PUM1: variants seen among roughly 807,000 people sequenced by gnomAD.
The protein encoded by PUM1 is pumilio homolog 1.
PUM1 carries 13 observed loss-of-function variants against 131.8 expected under a neutral mutation model. The ratio of observed to expected loss-of-function variants is 0.10; its 90% CI spans 0.06 to 0.16. The LOEUF (loss-of-function observed/expected upper bound fraction) is 0.16, where lower values mean the gene tolerates loss of function less well. Among genes scored for constraint, PUM1 ranks in the 10% least tolerant of loss-of-function variants. The probability of loss-of-function intolerance (pLI) is 1.00; values close to 1 mark genes in which losing one functional copy is unlikely to be tolerated. For missense variants in PUM1, 961 were observed against 1,512.4 expected, an observed-to-expected ratio of 0.64 and a Z score of 6.05; for synonymous variants, 509 against 556.5, an observed-to-expected ratio of 0.91 and a Z score of 1.20.
At chr1:31,051,343 G>A (rs1348633589) in intron 2 of PUM1, among the ~76,000 whole-genome samples, 1 of 136,620 alleles carries the variant, frequency 7.3e-6, no homozygotes, top group Non-Finnish European at 1.6e-5. Flanking sequence ...CGCTCTTGTT[G>A]CCCAGAGTGG....
At chr1:30,981,462 A>G in intron 7 of PUM1, 57 bp from the exon 8 acceptor site, 1 of 1,164,676 alleles carries the variant, frequency 8.6e-7, no homozygotes, top group Admixed American at 2.3e-5. Flanking sequence ...AAAATCATTT[A>G]AAAACCTCTC....
chr1:30,974,256 A>G (rs1198764461), intron 10 of PUM1, among the ~76,000 whole-genome samples: 1 of 152,240 alleles, frequency 6.6e-6, no homozygotes, highest in Non-Finnish European at 1.5e-5. Flanking sequence ...GGTACTACAA[A>G]TAAGCAGTCT....
intron 7 of PUM1, among the ~76,000 whole-genome samples, chr1:30,987,322 G>A (rs945856925): frequency 2.0e-5 from 3 of 151,096 alleles, no homozygotes; most frequent in African/African-American, 4.9e-5. Context: ...TCAGCCTCCC[G>A]AGTAGCTGGG....
At chr1:30,971,998 G>A (rs1157282109) in intron 10 of PUM1, among the ~76,000 whole-genome samples, 1 of 151,820 alleles carries the variant, frequency 6.6e-6, no homozygotes, top group Admixed American at 6.6e-5. Flanking sequence ...GTTCACACCT[G>A]TAACCCAGCA....
At chr1:30,969,631 G>A (rs1557561147) in intron 10 of PUM1, among the ~76,000 whole-genome samples, 1 of 152,072 alleles carries the variant, frequency 6.6e-6, no homozygotes, top group Non-Finnish European at 1.5e-5. Context: ...CTCTGATAAA[G>A]GATCTACTTT....
At chr1:31,058,423 G>A (rs1407448302) in intron 2 of PUM1, among the ~76,000 whole-genome samples, 3 of 152,154 alleles carry the variant, frequency 2.0e-5, no homozygotes, top group Admixed American at 2.0e-4. Context: ...CACTTTGGGA[G>A]GCCGAGATGG....
At chr1:31,017,039 A>G (rs1489614222) in intron 3 of PUM1, among the ~76,000 whole-genome samples, 1 of 152,204 alleles carries the variant, frequency 6.6e-6, no homozygotes, top group Non-Finnish European at 1.5e-5. Context: ...CTTCTCTCCC[A>G]CAACTGGGAA....
chr1:31,058,820 A>G (rs1644308291), intron 2 of PUM1, among the ~76,000 whole-genome samples: 1 of 151,306 alleles, frequency 6.6e-6, no homozygotes. Context: ...AAAATACATA[A>G]TCAGCCAGGC....
At chr1:30,948,154 A>G (rs1341125314) in intron 17 of PUM1, among the ~76,000 whole-genome samples, 1 of 152,136 alleles carries the variant, frequency 6.6e-6, no homozygotes, top group Non-Finnish European at 1.5e-5. Context: ...GGCCCAGAAG[A>G]GAATAATTTA....
chr1:31,052,738 G>A (rs1371678527), intron 2 of PUM1, among the ~76,000 whole-genome samples: 6 of 141,932 alleles, frequency 4.2e-5, no homozygotes, highest in Admixed American at 2.9e-4. Context: ...TTGCTCTGTC[G>A]CCCAGGCTGG....
chr1:31,009,865 T>C (rs1477325994), intron 3 of PUM1, among the ~76,000 whole-genome samples: 2 of 151,482 alleles, frequency 1.3e-5, no homozygotes, highest in African/African-American at 4.9e-5. Flanking sequence ...TATAGTCTTA[T>C]CCATAATTTG....
At chr1:31,048,444 ATTCTTTT>A (rs1448583849) in intron 2 of PUM1, among the ~76,000 whole-genome samples, 3 of 150,850 alleles carry the variant, frequency 2.0e-5, no homozygotes, top group East Asian at 1.9e-4. Flanking sequence ...ATCAAGGTAA[ATTCTTTT>A]TTCTTTTTTC....
chr1:30,969,316 C>CACACAAA (rs1408362237), intron 10 of PUM1, among the ~76,000 whole-genome samples: 1 of 51,180 alleles, frequency 2.0e-5, no homozygotes, highest in African/African-American at 7.4e-5. Context: ...AACACACACA[C>CACACAAA]AAAAAAAAAA....
chr1:31,048,194 G>A (rs992885683), intron 2 of PUM1, among the ~76,000 whole-genome samples: 8 of 150,874 alleles, frequency 5.3e-5, no homozygotes, highest in Non-Finnish European at 1.2e-4. Context: ...AGCTGATATC[G>A]CGCCACTGCA....
At position 30,959,830 on chromosome 1, in the gene PUM1, C is replaced by G. The variant is rs147352893; in HGVS notation, c.2323+4844G>C. On this transcript the variant is annotated intron_variant, in intron 14 of 21. Coordinates refer to ENST00000426105, the MANE Select transcript of PUM1 (RefSeq NM_001020658.2). ...GCTGAGGCAGGAGAATGGTGTGAAC[C>G]CAGGGGGCAGAGGTTGCAGTGAGCC... Among the ~76,000 whole-genome samples, 783 of 151,438 alleles carry G rather than the reference C, an allele frequency of 5.2e-3. 6 individuals are homozygous for G. Among genetic ancestry groups the G allele is most frequent in the African/African-American group, 0.018 (723 of 41,130 alleles).
intron 10 of PUM1, among the ~76,000 whole-genome samples, chr1:30,969,337 G>GAAAAA (rs1179276877): frequency 1.7e-5 from 2 of 115,324 alleles, no homozygotes; most frequent in Admixed American, 8.5e-5. Flanking sequence ...AAAAAAAAAA[G>GAAAAA]AAAAAAAAAG....
chr1:30,996,189 G>C (rs1164984898), intron 5 of PUM1, among the ~76,000 whole-genome samples: 1 of 152,188 alleles, frequency 6.6e-6, no homozygotes, highest in Non-Finnish European at 1.5e-5. Context: ...TGTAAAACTA[G>C]AGGGAAGCAG....
At chr1:31,026,094 T>C (rs10914248) in intron 3 of PUM1, among the ~76,000 whole-genome samples, 46,520 of 151,538 alleles carry the variant, frequency 0.31, 7,475 homozygotes, top group Non-Finnish European at 0.34. Context: ...TCTACTAAAA[T>C]ACAAAAATAA....
chr1:30,972,302 G>T (rs1225508288), intron 10 of PUM1, among the ~76,000 whole-genome samples: 1 of 70 alleles, frequency 0.014, no homozygotes, highest in African/African-American at 0.083. Flanking sequence ...GGGAGGGGAG[G>T]GGAGGGGAGG....
Sources: allele counts gnomAD v4.1 joint callset (sites outside exome capture counted in the v4.1 genomes callset), GRCh38; gene constraint gnomAD v4.1.1; transcripts MANE v1.5; gene names NCBI Gene and HGNC (gene_info 2026-07-23, HGNC 2026-07-21).